COBL: variants seen among roughly 807,000 people sequenced by gnomAD.
COBL encodes the protein protein cordon-bleu.
COBL carries 51 observed loss-of-function variants against 98.8 expected under a neutral mutation model. That is an observed-to-expected ratio of 0.52 (90% CI 0.41 to 0.65). The LOEUF is 0.65. Ranked by LOEUF, COBL falls within the 30% of genes least tolerant of loss-of-function variation. COBL has a pLI of 0.00. For synonymous variants in COBL, 634 were observed against 651.7 expected (o/e 0.97, Z 0.41); for missense variants, 1,617 against 1,617.5 (o/e 1.00, Z 0.01).
chr7:51,100,462 A>G (rs993655143), intron 6 of COBL, among the ~76,000 whole-genome samples: 11 of 152,202 alleles, frequency 7.2e-5, no homozygotes, highest in African/African-American at 2.7e-4. Context: ...CTACTTGGGG[A>G]CTTGCTTTGT....
chr7:51,115,387 T>G (rs1261337939), intron 6 of COBL, among the ~76,000 whole-genome samples: 2 of 152,104 alleles, frequency 1.3e-5, no homozygotes, highest in Admixed American at 1.3e-4. Flanking sequence ...AACCTTTAGT[T>G]TTTTCTATAT....
chr7:51,035,293 T>G (rs538194372), intron 8 of COBL: 2 of 152,108 alleles, frequency 1.3e-5, no homozygotes, highest in Non-Finnish European at 2.9e-5. Context: ...ATCCGAAATG[T>G]ACAAGATGGG....
intron 6 of COBL, among the ~76,000 whole-genome samples, chr7:51,102,038 A>G (rs1245604029): frequency 2.0e-5 from 3 of 152,236 alleles, no homozygotes; most frequent in African/African-American, 7.2e-5. Flanking sequence ...ATGAGGACAC[A>G]GCAAAAAAAG....
intron 5 of COBL, among the ~76,000 whole-genome samples, chr7:51,182,101 G>A (rs900483904): frequency 6.6e-6 from 1 of 152,144 alleles, no homozygotes; most frequent in Non-Finnish European, 1.5e-5. Flanking sequence ...ACTACTTGAG[G>A]TCTAAGGGTG....
At chr7:51,305,194 A>G (rs1213607747) in intron 1 of COBL, among the ~76,000 whole-genome samples, 1 of 152,228 alleles carries the variant, frequency 6.6e-6, no homozygotes, top group Non-Finnish European at 1.5e-5. Context: ...TTATAAAAAC[A>G]CCGCCCTAAG....
At chr7:51,291,424 A>ATTAAGCTGTC (rs1800880987) in intron 1 of COBL, among the ~76,000 whole-genome samples, 1 of 152,196 alleles carries the variant, frequency 6.6e-6, no homozygotes, top group Non-Finnish European at 1.5e-5. Context: ...GTCATTAAGG[A>ATTAAGCTGTC]ATTACTGTCA....
intron 7 of COBL, chr7:51,065,228 G>C (rs928243391): frequency 1.4e-6 from 1 of 703,314 alleles, no homozygotes; most frequent in Non-Finnish European, 2.6e-6. Context: ...GTGTGTCTAA[G>C]TGTGCACATG....
intron 1 of COBL, among the ~76,000 whole-genome samples, chr7:51,303,797 T>C (rs993687022): frequency 6.6e-6 from 1 of 152,186 alleles, no homozygotes; most frequent in African/African-American, 2.4e-5. Context: ...CCAGTGGGTC[T>C]ACAGACTGGC....
chr7:51,137,122 T>G (rs192778554), intron 5 of COBL, among the ~76,000 whole-genome samples: 1 of 152,354 alleles, frequency 6.6e-6, no homozygotes, highest in African/African-American at 2.4e-5. Context: ...GGTACCATGC[T>G]GTGTCCTGGT....
intron 5 of COBL, among the ~76,000 whole-genome samples, chr7:51,154,020 C>T (rs745816414): frequency 5.3e-5 from 8 of 152,266 alleles, no homozygotes; most frequent in East Asian, 1.9e-4. Flanking sequence ...CCGTGTTCAT[C>T]GTGGAGGCCC....
At chr7:51,030,970 T>C (rs1381394162) in intron 8 of COBL, 61 bp from the exon 9 acceptor site, 1 of 1,104,750 alleles carries the variant, frequency 9.1e-7, no homozygotes, top group Non-Finnish European at 1.4e-6. Context: ...AATGTACTCC[T>C]TTCCAGGAAT....
At chr7:51,124,290 G>T (rs746418846) in intron 6 of COBL, among the ~76,000 whole-genome samples, 31 of 152,154 alleles carry the variant, frequency 2.0e-4, no homozygotes, top group Non-Finnish European at 4.3e-4. Context: ...CATGCAATTT[G>T]TCTGGCACAA....
At chr7:51,115,216 T>A (rs540836855) in intron 6 of COBL, among the ~76,000 whole-genome samples, 51 of 152,304 alleles carry the variant, frequency 3.3e-4, no homozygotes, top group African/African-American at 1.2e-3. Flanking sequence ...TGGTTGATCA[T>A]GTGAAAGACA....
intron 4 of COBL, among the ~76,000 whole-genome samples, chr7:51,190,430 G>C (rs1789989273): frequency 1.3e-5 from 2 of 151,918 alleles, no homozygotes; most frequent in Non-Finnish European, 2.9e-5. Flanking sequence ...TGTCCAGGCT[G>C]GTCTTGAACT....
chr7:51,069,063 G>A (rs191251946), intron 7 of COBL, among the ~76,000 whole-genome samples: 97 of 152,274 alleles, frequency 6.4e-4, no homozygotes, highest in African/African-American at 2.2e-3. Flanking sequence ...ATGTAAAGGG[G>A]CAGAATGGAG....
At chr7:51,261,103 G>A (rs887072370) in intron 1 of COBL, among the ~76,000 whole-genome samples, 4 of 152,080 alleles carry the variant, frequency 2.6e-5, no homozygotes, top group African/African-American at 7.2e-5. Flanking sequence ...CAGCCCCACC[G>A]CAGGAGATGT....
chr7:51,214,241 C>G (rs1328168377), intron 2 of COBL, among the ~76,000 whole-genome samples: 1 of 151,082 alleles, frequency 6.6e-6, no homozygotes, highest in Non-Finnish European at 1.5e-5. Context: ...TGCACTGTAG[C>G]CTGGGCAACA....
intron 6 of COBL, among the ~76,000 whole-genome samples, chr7:51,123,947 T>C (rs891692010): frequency 7.2e-5 from 11 of 152,150 alleles, no homozygotes; most frequent in African/African-American, 2.4e-4. Flanking sequence ...GATGGCTCCA[T>C]GCAGAAAAGA....
intron 1 of COBL, among the ~76,000 whole-genome samples, chr7:51,294,024 C>T (rs181794469): frequency 1.5e-4 from 23 of 152,312 alleles, no homozygotes; most frequent in African/African-American, 5.1e-4. Context: ...GGCGAGGTGG[C>T]TCATGCCTAT....
Sources: gnomAD v4.1 joint callset for allele counts (sites outside exome capture counted in the v4.1 genomes callset) on GRCh38, gnomAD v4.1.1 for gene constraint, MANE v1.5 for transcripts, NCBI Gene and HGNC (gene_info 2026-07-23, HGNC 2026-07-21) for gene names.